The following TMEM38B variants were observed in gnomAD, a reference collection of about 807,000 sequenced individuals.
TMEM38B encodes the protein trimeric intracellular cation channel type B.
Under a neutral mutation model 28.7 loss-of-function variants are expected in TMEM38B, and 24 were observed. The observed-to-expected ratio is 0.84, with a 90% CI of 0.61 to 1.18. The LOEUF (loss-of-function observed/expected upper bound fraction) is 1.18, where lower values mean the gene tolerates loss of function less well. Among genes scored for constraint, TMEM38B ranks in the 50% most tolerant of loss-of-function variants. The pLI is 0.00. For synonymous variants in TMEM38B, 131 were observed against 127.7 expected, an observed-to-expected ratio of 1.03 and a Z score of -0.17; for missense variants, 380 against 350.9, an observed-to-expected ratio of 1.08 and a Z score of -0.66.
chr9:105,721,327 C>T (rs1564394300), intron 2 of TMEM38B, among the ~76,000 whole-genome samples: 1 of 152,136 alleles, frequency 6.6e-6, no homozygotes, highest in South Asian at 2.1e-4. Context: ...CTTCTCTGAT[C>T]ATGACTTTTT....
chr9:105,717,301 A>G (rs923800691), intron 2 of TMEM38B, among the ~76,000 whole-genome samples: 3 of 152,242 alleles, frequency 2.0e-5, no homozygotes, highest in Non-Finnish European at 4.4e-5. Flanking sequence ...AAGAAAAAAT[A>G]TGGATATTAA....
chr9:105,769,284 A>G (rs1006843985), intron 5 of TMEM38B, among the ~76,000 whole-genome samples: 1 of 152,228 alleles, frequency 6.6e-6, no homozygotes. Flanking sequence ...ACCATTTCTC[A>G]TTCATCAAAA....
chr9:105,714,106 G>T (rs920770505), intron 2 of TMEM38B, among the ~76,000 whole-genome samples: 3 of 134,514 alleles, frequency 2.2e-5, no homozygotes, highest in Non-Finnish European at 4.7e-5. Context: ...CCGAGCACTT[G>T]TTGGGATGAC....
intron 2 of TMEM38B, among the ~76,000 whole-genome samples, chr9:105,719,816 T>C (rs945606563): frequency 1.3e-5 from 2 of 152,092 alleles, no homozygotes; most frequent in Non-Finnish European, 2.9e-5. Context: ...TATAACATTC[T>C]TTTGGTTGTT....
At chr9:105,704,877 T>A (rs1234959512) in intron 1 of TMEM38B, among the ~76,000 whole-genome samples, 1 of 151,492 alleles carries the variant, frequency 6.6e-6, no homozygotes, top group Non-Finnish European at 1.5e-5. Flanking sequence ...TGAGCCAAGA[T>A]CGCATCACTG....
At position 105,705,666 on chromosome 9, in the gene TMEM38B, G is replaced by T. The variant is rs755095731; in HGVS notation, c.182G>T (p.Gly61Val). Residue 61 changes from glycine to valine, a missense_variant, in exon 2 of 6, where the codon GGA (glycine) becomes GTA (valine). Coordinates refer to ENST00000374692, the MANE Select transcript of TMEM38B (RefSeq NM_018112.3). ...ACTGCTATGCTCCACTGTTTTGGTGGAGGAATTTTATCCTGTCTACTGCTT... is the reference window on the plus strand; with the variant it reads ...ACTGCTATGCTCCACTGTTTTGGTGTAGGAATTTTATCCTGTCTACTGCTT... ...WFTAMLHCFG[G>V]GILSCLLLAE... 8 of 1,614,060 alleles carry T rather than the reference G, an allele frequency of 5.0e-6. No homozygotes were observed. The highest frequency in any genetic ancestry group is 4.2e-6 in the Non-Finnish European group (5 of 1,180,024).
chr9:105,728,027 G>A (rs1157815605), intron 4 of TMEM38B, among the ~76,000 whole-genome samples: 1 of 152,080 alleles, frequency 6.6e-6, no homozygotes, highest in Non-Finnish European at 1.5e-5. Context: ...TGTACCTCCT[G>A]CAGAACTGTG....
At chr9:105,707,057 C>T (rs781753850) in intron 2 of TMEM38B, among the ~76,000 whole-genome samples, 6 of 152,092 alleles carry the variant, frequency 3.9e-5, no homozygotes, top group Admixed American at 2.6e-4. Flanking sequence ...AGATTACAGG[C>T]GTGAGCCACC....
At chr9:105,768,480 G>C (rs535247037) in intron 5 of TMEM38B, among the ~76,000 whole-genome samples, 1 of 152,036 alleles carries the variant, frequency 6.6e-6, no homozygotes, top group East Asian at 1.9e-4. Flanking sequence ...GTTTATGTAG[G>C]TTTGATATTA....
At chr9:105,752,895 C>A (rs973317802) in intron 5 of TMEM38B, among the ~76,000 whole-genome samples, 19 of 151,938 alleles carry the variant, frequency 1.3e-4, no homozygotes, top group African/African-American at 4.4e-4. Context: ...CATGTTCTAA[C>A]CCAATGGAAA....
chr9:105,695,912 GA>G (rs2133538930), intron 1 of TMEM38B, among the ~76,000 whole-genome samples: 1 of 152,180 alleles, frequency 6.6e-6, no homozygotes, highest in Admixed American at 6.5e-5. Flanking sequence ...TTATTTCTTT[GA>G]TTTGAAAAAA....
intron 5 of TMEM38B, among the ~76,000 whole-genome samples, chr9:105,763,768 G>C (rs1311830578): frequency 6.6e-6 from 1 of 151,866 alleles, no homozygotes; most frequent in African/African-American, 2.4e-5. Flanking sequence ...GCTGGGCAGA[G>C]ACACAACCAA....
intron 1 of TMEM38B, among the ~76,000 whole-genome samples, chr9:105,704,795 G>GT (rs1324079513): frequency 3.3e-5 from 5 of 152,146 alleles, no homozygotes; most frequent in African/African-American, 1.2e-4. Context: ...GTGGTGGCAG[G>GT]TGCCTGTAGT....
At chr9:105,731,030 G>A (rs1481251148) in intron 4 of TMEM38B, among the ~76,000 whole-genome samples, 3 of 151,988 alleles carry the variant, frequency 2.0e-5, no homozygotes, top group Non-Finnish European at 4.4e-5. Context: ...TGGATTCATT[G>A]ATTTTTTGAA....
chr9:105,766,779 T>G (rs1473807701), intron 5 of TMEM38B, among the ~76,000 whole-genome samples: 1 of 152,028 alleles, frequency 6.6e-6, no homozygotes, highest in Admixed American at 6.6e-5. Flanking sequence ...CTGGGATACA[T>G]GTGCACAATA....
At chr9:105,749,764 C>A (rs1372744236) in intron 5 of TMEM38B, among the ~76,000 whole-genome samples, 2 of 152,152 alleles carry the variant, frequency 1.3e-5, no homozygotes, top group Non-Finnish European at 2.9e-5. Flanking sequence ...TTTATCCATT[C>A]ATCAGTTGAT....
chr9:105,695,395 G>A (rs867691005), intron 1 of TMEM38B, among the ~76,000 whole-genome samples: 2 of 152,172 alleles, frequency 1.3e-5, no homozygotes, highest in Middle Eastern at 3.2e-3. Flanking sequence ...AAGCGAGTGC[G>A]TTCCCCTTTT....
chr9:105,737,952 A>T (rs1837047427), intron 4 of TMEM38B, among the ~76,000 whole-genome samples: 1 of 152,142 alleles, frequency 6.6e-6, no homozygotes, highest in Admixed American at 6.5e-5. Context: ...CCCCAAGGGT[A>T]GGGCATTGTA....
chr9:105,716,705 C>T (rs934888547), intron 2 of TMEM38B, among the ~76,000 whole-genome samples: 6 of 152,314 alleles, frequency 3.9e-5, no homozygotes, highest in South Asian at 2.1e-4. Context: ...CCCTCCTCCT[C>T]GTCAGCCTAC....
Sources: allele counts gnomAD v4.1 joint callset (sites outside exome capture counted in the v4.1 genomes callset), GRCh38; gene constraint gnomAD v4.1.1; transcripts MANE v1.5; gene names NCBI Gene and HGNC (gene_info 2026-07-23, HGNC 2026-07-21).